The following HNRNPK variants were observed in gnomAD, a reference collection of about 807,000 sequenced individuals.
HNRNPK encodes heterogeneous nuclear ribonucleoprotein K.
A neutral mutation model predicts 67.0 loss-of-function variants in HNRNPK; 7 were observed. That is an observed-to-expected ratio of 0.10 (90% CI 0.06 to 0.20). The LOEUF (loss-of-function observed/expected upper bound fraction) is 0.20, where lower values mean the gene tolerates loss of function less well. HNRNPK is among the 10% of genes least tolerant of loss of function. HNRNPK has a pLI of 1.00. For missense variants in HNRNPK, 264 were observed against 606.5 expected (o/e 0.44, Z 5.93); for synonymous variants, 213 against 193.7 (o/e 1.10, Z -0.83).
At chr9:83,980,365 C>G (rs1176158503), upstream of HNRNPK, 2 of 152,468 alleles carry the variant, frequency 1.3e-5, no homozygotes, top group East Asian at 1.9e-4. Context: ...CCCCGCCTCC[C>G]GCCAGCGCCT....
chr9:83,972,484 T>G (rs530633483), intron 10 of HNRNPK, among the ~76,000 whole-genome samples: 3 of 152,328 alleles, frequency 2.0e-5, no homozygotes, highest in South Asian at 4.1e-4. Flanking sequence ...ATTTTACACA[T>G]GACAAACTAC....
chr9:83,973,856 G>A, intron 8 of HNRNPK, 46 bp downstream of exon 8: 4 of 1,368,252 alleles, frequency 2.9e-6, no homozygotes, highest in Non-Finnish European at 4.2e-6. Context: ...CGATCCTATG[G>A]GCCAGGCTCC....
chr9:83,971,923 A>T lies in HNRNPK; in HGVS notation c.912T>A (p.Ala304=). 1.9e-6 allele frequency: 3 copies of T among 1,576,010 alleles called. No homozygotes were observed. Among genetic ancestry groups the T allele is most frequent in the Non-Finnish European group, 2.6e-6 (3 of 1,160,466 alleles). Residue 304 remains alanine, a synonymous_variant, in exon 11 of 17, where the codon GCT becomes GCA. Coordinates refer to ENST00000376263, the MANE Select transcript of HNRNPK (RefSeq NM_031263.4). ...PGRGGRGGSR[A]RNLPLPPPPP... ...GTGGTGGAGGAAGAGGAAGATTCCGAGCTCTGCTACCACCCCGGCCGCCTC... is the reference window on the plus strand; with the variant it reads ...GTGGTGGAGGAAGAGGAAGATTCCGTGCTCTGCTACCACCCCGGCCGCCTC...
chr9:83,971,097 G>A (rs1588413802), intron 13 of HNRNPK, 176 bp downstream of exon 13: 1 of 728,272 alleles, frequency 1.4e-6, no homozygotes, highest in Non-Finnish European at 2.4e-6. Flanking sequence ...GAGCACCACT[G>A]CACCCAGCTT....
intron 15 of HNRNPK, 170 bp downstream of exon 15, chr9:83,970,567 T>G (rs1956782089): frequency 1.5e-6 from 1 of 652,400 alleles, no homozygotes; most frequent in Non-Finnish European, 2.7e-6. Context: ...ATAGCACTGA[T>G]CACTTGACAA....
At chr9:83,975,795 A>C (rs1957040840) in intron 5 of HNRNPK, 1 of 449,182 alleles carries the variant, frequency 2.2e-6, no homozygotes, top group African/African-American at 1.9e-5. Flanking sequence ...ACTCTCAATG[A>C]AACAAGCTTA....
At chr9:83,969,461 AAG>A (rs1470286775) in intron 16 of HNRNPK, 21 bp from the exon 17 acceptor site, 2 of 1,541,136 alleles carry the variant, frequency 1.3e-6, no homozygotes, top group East Asian at 2.2e-5. Flanking sequence ...AAAGAAAAAA[AAG>A]TGCGAATTAG....
chr9:83,973,505 G>T, intron 8 of HNRNPK, 106 bp from the exon 9 acceptor site: 1 of 699,502 alleles, frequency 1.4e-6, no homozygotes, highest in South Asian at 1.7e-5. Context: ...TGAGCAACCT[G>T]AATTTATATT....
intron 7 of HNRNPK, among the ~76,000 whole-genome samples, chr9:83,974,256 G>A (rs1956975037): frequency 6.7e-6 from 1 of 149,332 alleles, no homozygotes; most frequent in Non-Finnish European, 1.5e-5. Flanking sequence ...GATAACTAAA[G>A]CCCATAAAAT....
intron 8 of HNRNPK, 47 bp downstream of exon 8, chr9:83,973,855 G>A (rs921621440): frequency 1.5e-6 from 2 of 1,350,652 alleles, no homozygotes; most frequent in African/African-American, 1.4e-5. Flanking sequence ...TCGATCCTAT[G>A]GGCCAGGCTC....
At chr9:83,977,628 C>A (rs1957131474) in intron 4 of HNRNPK, 61 bp downstream of exon 4, 7 of 980,792 alleles carry the variant, frequency 7.1e-6, no homozygotes, top group Non-Finnish European at 1.1e-5. Flanking sequence ...AAAGCCAAAC[C>A]AGACCTTAAT....
chr9:83,978,331 TAAAAAAAAAAA>T (rs55698797), intron 2 of HNRNPK, 31 bp downstream of exon 2: 3 of 1,271,496 alleles, frequency 2.4e-6, no homozygotes, highest in Non-Finnish European at 3.1e-6. Context: ...AAGCAAGCTG[TAAAAAAAAAAA>T]AAAAAAAAAG....
intron 1 of HNRNPK, among the ~76,000 whole-genome samples, chr9:83,979,096 C>T (rs145865963): frequency 7.2e-5 from 11 of 152,304 alleles, no homozygotes; most frequent in Non-Finnish European, 1.2e-4. Context: ...ACAATCATGC[C>T]TGTAACACGA....
chr9:83,979,329 G>C (rs1957241344), intron 1 of HNRNPK, among the ~76,000 whole-genome samples: 1 of 152,222 alleles, frequency 6.6e-6, no homozygotes, highest in Non-Finnish European at 1.5e-5. Context: ...TTCCGGCCCA[G>C]CACGCAATTT....
At position 83,978,383 on chromosome 9, in the gene HNRNPK, A is replaced by G. The variant is rs1957170613; in HGVS notation, c.-38T>C. ...GCTTCTAGAACGTACCAGTTATTAT[A>G]TATCCTTGCAGAGCAGAACTGAAGC... On this transcript the variant is annotated 5_prime_UTR_variant, in exon 2 of 17. Transcript: ENST00000376263. The G allele has an allele frequency of 6.8e-7, 1 of 1,477,698 alleles. No individual in the cohort carries two copies. The highest frequency in any genetic ancestry group is 2.4e-5 in the East Asian group (1 of 41,626). 91.5% of individuals were successfully genotyped at this position (1,477,698 alleles called of 1,614,324 possible). A position where few individuals can be genotyped will look rare whatever the true frequency, so the allele number is the denominator to read the frequency against.
intron 7 of HNRNPK, among the ~76,000 whole-genome samples, chr9:83,974,206 A>G (rs1165520239): frequency 1.3e-5 from 2 of 152,118 alleles, no homozygotes; most frequent in East Asian, 3.8e-4. Flanking sequence ...TCTCCTTTTC[A>G]ACATGTTCCC....
chr9:83,968,567 C>T lies in HNRNPK; in HGVS notation c.*840G>A, dbSNP rs558830143. On this transcript the variant is annotated 3_prime_UTR_variant, in exon 17 of 17. Transcript: ENST00000376263. ...ATTCTGGTATATACTCATACCATTA[C>T]TCAACTTGTAGTACTGCTCCCCACC... The T allele has an allele frequency of 1.3e-5, 2 of 152,678 alleles. No individual in the cohort carries two copies. Among genetic ancestry groups the T allele is most frequent in the East Asian group, 1.9e-4 (1 of 5,188 alleles). 9.5% of individuals were successfully genotyped at this position (152,678 alleles called of 1,614,324 possible).
rs1331033144 is a variant in HNRNPK, at chr9:83,978,261, AT to A, written c.-10del. The A allele has an allele frequency of 6.2e-7, 1 of 1,610,012 alleles. No homozygotes were observed. The highest frequency in any genetic ancestry group is 1.1e-5 in the South Asian group (1 of 90,818). On this transcript the variant is annotated 5_prime_UTR_variant, in exon 3 of 17. Coordinates refer to ENST00000376263, the MANE Select transcript of HNRNPK (RefSeq NM_031263.4). ...GGCTGTTCAGTTTCCATATTCTTTTATTAAACGGGCACACCAATCTGTGGAA... is the reference window on the plus strand; with the variant it reads ...GGCTGTTCAGTTTCCATATTCTTTTATAAACGGGCACACCAATCTGTGGAA...
intron 12 of HNRNPK, 83 bp downstream of exon 12, chr9:83,971,589 C>T (rs1956844778): frequency 8.7e-7 from 1 of 1,149,092 alleles, no homozygotes; most frequent in South Asian, 1.3e-5. Flanking sequence ...ACTTTTTAAT[C>T]ACTATAACCT....
Sources: gnomAD v4.1 joint callset for allele counts (sites outside exome capture counted in the v4.1 genomes callset) on GRCh38, gnomAD v4.1.1 for gene constraint, MANE v1.5 for transcripts, NCBI Gene and HGNC (gene_info 2026-07-23, HGNC 2026-07-21) for gene names.